PPIG: variants seen among roughly 807,000 people sequenced by gnomAD.
PPIG encodes peptidyl-prolyl cis-trans isomerase G.
PPIG carries 26 observed loss-of-function variants against 87.9 expected under a neutral mutation model. The ratio of observed to expected loss-of-function variants is 0.30; its 90% CI spans 0.22 to 0.41. PPIG has a LOEUF of 0.41. Among genes scored for constraint, PPIG ranks in the 10% least tolerant of loss-of-function variants. PPIG has a pLI of 1.00. For synonymous variants in PPIG, 308 were observed against 276.5 expected, an observed-to-expected ratio of 1.11 and a Z score of -1.13; for missense variants, 722 against 879.4, an observed-to-expected ratio of 0.82 and a Z score of 2.26.
At chr2:169,609,177 G>A (rs16857071) in intron 7 of PPIG, among the ~76,000 whole-genome samples, 3,797 of 151,996 alleles carry the variant, frequency 0.025, 174 homozygotes, top group African/African-American at 0.087. Context: ...TATGAGGGAC[G>A]GAATTGTTGA....
intron 1 of PPIG, among the ~76,000 whole-genome samples, chr2:169,596,217 G>C (rs993397620): frequency 2.6e-5 from 4 of 152,014 alleles, no homozygotes; most frequent in Non-Finnish European, 5.9e-5. Flanking sequence ...AAATTTTCCT[G>C]CCTCAGCCTC....
rs1686242141 is a variant in PPIG at position 169,638,530 on chromosome 2, C to G, written c.*1007C>G. On this transcript the variant is annotated 3_prime_UTR_variant, in exon 14 of 14. Transcript: ENST00000260970. Reference sequence around the variant, plus strand: ...GTTTTAATTGAACTGACTTCTCTAACTCTCATAGCTGTGAGTTCCAAATGG... The same window carrying G: ...GTTTTAATTGAACTGACTTCTCTAAGTCTCATAGCTGTGAGTTCCAAATGG... The G allele has an allele frequency of 6.6e-6, 1 of 151,930 alleles. No homozygotes were observed. The highest frequency in any genetic ancestry group is 2.4e-5 in the African/African-American group (1 of 41,398). The allele number at this position is 151,930 out of a possible 1,614,324, so 9.4% of individuals were successfully genotyped here. A position where few individuals can be genotyped will look rare whatever the true frequency, so the allele number is the denominator to read the frequency against.
At chr2:169,615,971 A>G (rs965366220) in intron 9 of PPIG, among the ~76,000 whole-genome samples, 2 of 152,080 alleles carry the variant, frequency 1.3e-5, no homozygotes, top group Admixed American at 6.5e-5. Context: ...TACATTAGGT[A>G]TTTCTGCTAA....
At chr2:169,614,392 T>C in intron 7 of PPIG, 72 bp from the exon 8 acceptor site, 1 of 1,345,530 alleles carries the variant, frequency 7.4e-7, no homozygotes, top group Non-Finnish European at 1.0e-6. Context: ...TATTTTCTTT[T>C]TCTTTTTAGA....
At chr2:169,605,310 C>T (rs1203768649) in intron 4 of PPIG, among the ~76,000 whole-genome samples, 1 of 152,060 alleles carries the variant, frequency 6.6e-6, no homozygotes, top group Non-Finnish European at 1.5e-5. Context: ...CCAGCCTGGG[C>T]AACAAGAGTG....
intron 7 of PPIG, among the ~76,000 whole-genome samples, chr2:169,614,259 C>T (rs1343680416): frequency 6.6e-6 from 1 of 152,142 alleles, no homozygotes; most frequent in African/African-American, 2.4e-5. Context: ...ATAATTAGAA[C>T]AAGTTTGATA....
intron 1 of PPIG, among the ~76,000 whole-genome samples, chr2:169,599,237 C>G (rs574003472): frequency 6.6e-6 from 1 of 151,974 alleles, no homozygotes; most frequent in East Asian, 1.9e-4. Context: ...AAAAATGTTA[C>G]GTTTGTAATT....
At chr2:169,616,489 C>T (rs1346853334) in intron 9 of PPIG, among the ~76,000 whole-genome samples, 3 of 152,208 alleles carry the variant, frequency 2.0e-5, no homozygotes, top group Non-Finnish European at 4.4e-5. Context: ...TCCTATTTCT[C>T]CACATCCTCT....
intron 1 of PPIG, among the ~76,000 whole-genome samples, chr2:169,596,406 A>C (rs1474112261): frequency 2.0e-5 from 3 of 152,092 alleles, no homozygotes; most frequent in African/African-American, 7.2e-5. Context: ...CACCCGGCCG[A>C]AAATTGTGTT....
chr2:169,627,704 C>CTT (rs777197172), intron 9 of PPIG, among the ~76,000 whole-genome samples: 199 of 101,906 alleles, frequency 2.0e-3, no homozygotes, highest in African/African-American at 7.3e-3. Context: ...AGTGGGCTTG[C>CTT]TTTTTTTTTT....
At chr2:169,590,987 G>T (rs1162505253) in intron 1 of PPIG, among the ~76,000 whole-genome samples, 2 of 152,148 alleles carry the variant, frequency 1.3e-5, no homozygotes, top group Non-Finnish European at 2.9e-5. Flanking sequence ...AGCCTGAGCG[G>T]CATAGCGAGA....
chr2:169,602,898 A>T (rs1685224024), intron 1 of PPIG, among the ~76,000 whole-genome samples: 1 of 152,198 alleles, frequency 6.6e-6, no homozygotes, highest in Non-Finnish European at 1.5e-5. Context: ...ATAAGAAATG[A>T]TAATGGTAAA....
At position 169,606,224 on chromosome 2, in the gene PPIG, T is replaced by C. The variant is rs540402169; in HGVS notation, c.244+78T>C. ...AAGTTAGACAAGTCCCTAGAAGTTT[T>C]AGTCCAATATTCTTGTCACTCTCAC... On this transcript the variant is annotated intron_variant, in intron 5 of 13. Coordinates refer to ENST00000260970, the MANE Select transcript of PPIG (RefSeq NM_004792.3). The C allele has an allele frequency of 1.3e-5, 13 of 1,017,898 alleles. No individual in the cohort carries two copies. The South Asian group carries it at 1.7e-4, about 14-fold the overall frequency. 63.1% of individuals were successfully genotyped at this position (1,017,898 alleles called of 1,614,324 possible). A position where few individuals can be genotyped will look rare whatever the true frequency, so the allele number is the denominator to read the frequency against.
At position 169,614,454 on chromosome 2, in the gene PPIG, T is replaced by C; in HGVS notation, c.378-10T>C. 6.5e-7 allele frequency: 1 copy of C among 1,547,578 alleles called. No individual in the cohort carries two copies. The highest frequency in any genetic ancestry group is 8.8e-7 in the Non-Finnish European group (1 of 1,134,274). On this transcript the variant is annotated splice_polypyrimidine_tract_variant and intron_variant, in intron 7 of 13. Transcript: ENST00000260970. ...TTGTTTTTATTCTTCTATCTGATGA[T>C]TTCCAAAAGAACAACGAAACCAACT...
chr2:169,632,790 G>A (rs1686091613), intron 11 of PPIG, among the ~76,000 whole-genome samples: 1 of 151,374 alleles, frequency 6.6e-6, no homozygotes, highest in Admixed American at 6.6e-5. Flanking sequence ...GTAGAAAAAG[G>A]AATATTGAAA....
intron 1 of PPIG, among the ~76,000 whole-genome samples, chr2:169,586,474 T>C (rs1183964866): frequency 6.6e-6 from 1 of 152,230 alleles, no homozygotes; most frequent in Non-Finnish European, 1.5e-5. Flanking sequence ...GTGTGTGAAG[T>C]TGGCTTTCAT....
chr2:169,595,488 A>G (rs887190009), intron 1 of PPIG, among the ~76,000 whole-genome samples: 1 of 152,180 alleles, frequency 6.6e-6, no homozygotes, highest in Non-Finnish European at 1.5e-5. Flanking sequence ...CCATTGTGCT[A>G]GCAAACACTA....
chr2:169,638,329 T>C lies in PPIG; in HGVS notation c.*806T>C, dbSNP rs1686236873. On this transcript the variant is annotated 3_prime_UTR_variant, in exon 14 of 14. Transcript: ENST00000260970. ...GGAACGTTTTAATTATTAATTACCC[T>C]TCTCTAAACTTTAAAAAAAAAAAAG... 1 of 143,972 alleles carries C rather than the reference T, an allele frequency of 6.9e-6. No homozygotes were observed. 8.9% of individuals were successfully genotyped at this position (143,972 alleles called of 1,614,324 possible). A position where few individuals can be genotyped will look rare whatever the true frequency, so the allele number is the denominator to read the frequency against.
At position 169,604,236 on chromosome 2, in the gene PPIG, C is replaced by T. The variant is rs774536071; in HGVS notation, c.111C>T (p.Cys37=). The change falls in exon 4 of 14, where the codon TGC becomes TGT. Residue 37 remains cysteine, a synonymous_variant. Transcript: ENST00000260970. The stretch of plus-strand genomic sequence containing the variant: ...TTTCTGATGTGTGCCCCAAAACATG[C>T]GAGAACTTTCGTTGTCTTTGTACAG... ...ELFSDVCPKT[C]ENFRCLCTGE... is the part of the protein sequence containing the mutation. 26 of 1,610,430 alleles carry T rather than the reference C, an allele frequency of 1.6e-5. No individual in the cohort carries two copies. Among genetic ancestry groups the T allele is most frequent in the Non-Finnish European group, 2.0e-5 (23 of 1,179,302 alleles).
Sources: allele counts gnomAD v4.1 joint callset (sites outside exome capture counted in the v4.1 genomes callset), GRCh38; gene constraint gnomAD v4.1.1; transcripts MANE v1.5; gene names NCBI Gene and HGNC (gene_info 2026-07-23, HGNC 2026-07-21).